Variants in SENP7 observed in about 807,000 individuals in gnomAD.
SENP7 encodes the protein sentrin-specific protease 7.
A neutral mutation model predicts 141.2 loss-of-function variants in SENP7; 64 were observed. The observed-to-expected ratio is 0.45, with a 90% CI of 0.37 to 0.56. SENP7 has a LOEUF of 0.56. Ranked by LOEUF, SENP7 falls within the 20% of genes least tolerant of loss-of-function variation. SENP7 has a pLI of 0.00. For missense variants in SENP7, 1,025 were observed against 1,212.2 expected (o/e 0.85, Z 2.29); for synonymous variants, 382 against 426.4 (o/e 0.90, Z 1.28).
chr3:101,351,038 A>G (rs780933802), intron 12 of SENP7, among the ~76,000 whole-genome samples: 7 of 152,042 alleles, frequency 4.6e-5, no homozygotes, highest in Middle Eastern at 3.4e-3. Flanking sequence ...TCTAATTCCT[A>G]TCTATGCCAT....
chr3:101,328,579 C>A, intron 21 of SENP7, 33 bp from the exon 22 acceptor site: 1 of 1,600,898 alleles, frequency 6.2e-7, no homozygotes, highest in Non-Finnish European at 8.6e-7. Context: ...TCAAGATTTA[C>A]ATACTTGTAT....
chr3:101,452,521 A>G (rs930339551), intron 4 of SENP7, among the ~76,000 whole-genome samples: 4 of 152,224 alleles, frequency 2.6e-5, no homozygotes, highest in African/African-American at 9.7e-5. Context: ...ACAGAGATAT[A>G]GACCAACGGA....
intron 13 of SENP7, among the ~76,000 whole-genome samples, chr3:101,347,103 T>C (rs751439166): frequency 1.3e-5 from 2 of 151,898 alleles, no homozygotes; most frequent in African/African-American, 2.4e-5. Flanking sequence ...ACCCCTGTAG[T>C]CCCAGCTACT....
At chr3:101,409,867 T>C (rs370784696) in intron 5 of SENP7, among the ~76,000 whole-genome samples, 2 of 152,338 alleles carry the variant, frequency 1.3e-5, no homozygotes, top group South Asian at 2.1e-4. Context: ...CTTCTAGACA[T>C]TGGCTTAGGC....
At chr3:101,409,385 A>T (rs7621506) in intron 5 of SENP7, among the ~76,000 whole-genome samples, 20,972 of 152,204 alleles carry the variant, frequency 0.14, 1,470 homozygotes, top group South Asian at 0.18. Flanking sequence ...TACAAATTCA[A>T]TGCAATTCCT....
At chr3:101,493,055 A>G (rs995429828) in intron 3 of SENP7, among the ~76,000 whole-genome samples, 9 of 152,216 alleles carry the variant, frequency 5.9e-5, no homozygotes, top group African/African-American at 2.2e-4. Flanking sequence ...ACCACAGAAT[A>G]CTATGCAGCC....
intron 5 of SENP7, among the ~76,000 whole-genome samples, chr3:101,404,217 T>G (rs1032767868): frequency 1.3e-5 from 2 of 151,890 alleles, no homozygotes; most frequent in African/African-American, 2.4e-5. Context: ...GGTACAAAAA[T>G]AAACACACAG....
At chr3:101,405,062 CGACA>C (rs780590181) in intron 5 of SENP7, among the ~76,000 whole-genome samples, 25 of 152,250 alleles carry the variant, frequency 1.6e-4, no homozygotes, top group South Asian at 1.2e-3. Flanking sequence ...AGCTCTGACT[CGACA>C]GACAGAGCAG....
chr3:101,407,202 G>A (rs1034821233), intron 5 of SENP7, among the ~76,000 whole-genome samples: 6 of 152,032 alleles, frequency 3.9e-5, no homozygotes, highest in Admixed American at 6.6e-5. Context: ...ACAAAGAGGG[G>A]CATTATATAA....
chr3:101,385,133 T>A (rs574400991), intron 6 of SENP7, among the ~76,000 whole-genome samples: 1 of 152,318 alleles, frequency 6.6e-6, no homozygotes, highest in East Asian at 1.9e-4. Context: ...AATAAATATA[T>A]GGAGATGTGT....
At chr3:101,383,538 G>A (rs1028498935) in intron 6 of SENP7, among the ~76,000 whole-genome samples, 3 of 152,132 alleles carry the variant, frequency 2.0e-5, no homozygotes, top group East Asian at 3.9e-4. Flanking sequence ...CCATGCCCCC[G>A]CACACTCAGA....
In SENP7 at chr3:101,416,917, T is replaced by G. The variant is rs76111062; in HGVS notation, c.482+676A>C. Among the ~76,000 whole-genome samples the G allele has an allele frequency of 8.1e-3, 1,237 of 152,268 alleles. 20 individuals carry two copies. The highest frequency in any genetic ancestry group is 0.029 in the African/African-American group (1,190 of 41,568). ...ATAAAGTACCTTCCCTCCAAAACAT[T>G]CATTTAATGGCTGAAATTGTAAATC... On this transcript the variant is annotated intron_variant, in intron 5 of 23. Coordinates refer to ENST00000394095, the MANE Select transcript of SENP7 (RefSeq NM_020654.5).
chr3:101,441,316 C>T (rs2062662197), intron 4 of SENP7, among the ~76,000 whole-genome samples: 1 of 152,184 alleles, frequency 6.6e-6, no homozygotes, highest in African/African-American at 2.4e-5. Context: ...ACAGCCAACA[C>T]CCATGCACAC....
chr3:101,407,216 C>T (rs1208844860), intron 5 of SENP7, among the ~76,000 whole-genome samples: 1 of 152,088 alleles, frequency 6.6e-6, no homozygotes, highest in Non-Finnish European at 1.5e-5. Context: ...TATATAAGGA[C>T]AAAAGGATTA....
chr3:101,419,894 T>C (rs1301240499), intron 4 of SENP7, among the ~76,000 whole-genome samples: 2 of 152,230 alleles, frequency 1.3e-5, no homozygotes, highest in Non-Finnish European at 2.9e-5. Context: ...TTACAAATTA[T>C]TCTTCTCATG....
intron 17 of SENP7, among the ~76,000 whole-genome samples, chr3:101,335,874 T>C (rs949958615): frequency 2.0e-5 from 3 of 152,208 alleles, no homozygotes; most frequent in African/African-American, 7.2e-5. Flanking sequence ...TATTTTCAAA[T>C]TGCAGTTTTC....
At chr3:101,338,587 A>G (rs547261955) in intron 16 of SENP7, among the ~76,000 whole-genome samples, 2 of 152,222 alleles carry the variant, frequency 1.3e-5, no homozygotes, top group Non-Finnish European at 2.9e-5. Flanking sequence ...ACTGGAAAGG[A>G]AAGAGCTATA....
chr3:101,503,685 C>T (rs1401536598), intron 1 of SENP7, among the ~76,000 whole-genome samples: 1 of 152,196 alleles, frequency 6.6e-6, no homozygotes, highest in African/African-American at 2.4e-5. Flanking sequence ...GTGGCACATG[C>T]CTGTAATCCC....
intron 6 of SENP7, among the ~76,000 whole-genome samples, chr3:101,378,697 G>A (rs1249771698): frequency 6.6e-6 from 1 of 151,960 alleles, no homozygotes; most frequent in Non-Finnish European, 1.5e-5. Flanking sequence ...TCACAGACTG[G>A]CAAGTTCAGA....
Sources: gnomAD v4.1 joint callset for allele counts (sites outside exome capture counted in the v4.1 genomes callset) on GRCh38, gnomAD v4.1.1 for gene constraint, MANE v1.5 for transcripts, NCBI Gene and HGNC (gene_info 2026-07-23, HGNC 2026-07-21) for gene names.